CAMK2B: variants seen among roughly 807,000 people sequenced by gnomAD.
The protein encoded by CAMK2B is calcium/calmodulin-dependent protein kinase type II subunit beta.
A neutral mutation model predicts 93.7 loss-of-function variants in CAMK2B; 27 were observed. That is an observed-to-expected ratio of 0.29 (90% CI 0.21 to 0.40). The LOEUF is 0.40. Ranked by LOEUF, CAMK2B falls within the 10% of genes least tolerant of loss-of-function variation. The probability of loss-of-function intolerance (pLI) is 1.00; values close to 1 mark genes in which losing one functional copy is unlikely to be tolerated. For missense variants in CAMK2B, 568 were observed against 895.8 expected, an observed-to-expected ratio of 0.63 and a Z score of 4.67; for synonymous variants, 374 against 358.8, an observed-to-expected ratio of 1.04 and a Z score of -0.48.
At chr7:44,297,670 A>G (rs1433996084) in intron 1 of CAMK2B, among the ~76,000 whole-genome samples, 1 of 152,234 alleles carries the variant, frequency 6.6e-6, no homozygotes, top group Non-Finnish European at 1.5e-5. Context: ...TTATCTACAG[A>G]TTCAAGTGAA....
At chr7:44,324,610 G>C (rs1350506513) in intron 1 of CAMK2B, among the ~76,000 whole-genome samples, 1 of 152,090 alleles carries the variant, frequency 6.6e-6, no homozygotes, top group Non-Finnish European at 1.5e-5. Flanking sequence ...TCCCCTTTAG[G>C]GCGCCCCCGC....
Position 44,220,423 on chromosome 7 carries a change from G to C in CAMK2B, c.1769-129C>G, listed in dbSNP as rs1248251309. On this transcript the variant is annotated intron_variant, in intron 22 of 23. Coordinates refer to ENST00000395749, the MANE Select transcript of CAMK2B (RefSeq NM_001220.5). ...TTGGGGAGGCTCGGCTCTCCTGGGA[G>C]CAGCATGGGCCCCTCCAAGAGTGGG... The C allele has an allele frequency of 1.5e-5, 13 of 879,638 alleles. No individual in the cohort carries two copies. The South Asian group carries it at 1.8e-4, about 12-fold the overall frequency. The allele number at this position is 879,638 out of a possible 1,614,324, so 54.5% of individuals were successfully genotyped here.
intron 15 of CAMK2B, 148 bp from the exon 16 acceptor site, chr7:44,233,014 A>G: frequency 1.4e-6 from 1 of 714,112 alleles, no homozygotes; most frequent in East Asian, 2.7e-5. Context: ...AGTGGGGGAC[A>G]GGGATGGAGG....
chr7:44,324,601 C>T (rs1585005923), intron 1 of CAMK2B, among the ~76,000 whole-genome samples: 1 of 152,186 alleles, frequency 6.6e-6, no homozygotes, highest in African/African-American at 2.4e-5. Flanking sequence ...AAAGCCCCTT[C>T]CCCTTTAGGG....
chr7:44,320,553 C>A (rs1795826247), intron 1 of CAMK2B, among the ~76,000 whole-genome samples: 1 of 152,130 alleles, frequency 6.6e-6, no homozygotes, highest in African/African-American at 2.4e-5. Context: ...TAATAAGCAC[C>A]ATTTAAGCGC....
intron 5 of CAMK2B, among the ~76,000 whole-genome samples, chr7:44,252,473 G>A (rs566681258): frequency 6.6e-6 from 1 of 150,756 alleles, no homozygotes; most frequent in African/African-American, 2.4e-5. Flanking sequence ...GCAGGGGAGA[G>A]GGCTGGAGGC....
intron 5 of CAMK2B, among the ~76,000 whole-genome samples, chr7:44,250,582 T>C (rs975402211): frequency 1.4e-5 from 2 of 144,308 alleles, no homozygotes; most frequent in East Asian, 2.0e-4. Context: ...CAGGCTGGAG[T>C]GCAGTGGCGC....
At chr7:44,243,864 C>T (rs898258408) in intron 6 of CAMK2B, among the ~76,000 whole-genome samples, 1 of 152,184 alleles carries the variant, frequency 6.6e-6, no homozygotes, top group African/African-American at 2.4e-5. Flanking sequence ...CAAGCTCATC[C>T]TTACAAGCAA....
At chr7:44,297,314 A>T (rs1449740741) in intron 1 of CAMK2B, among the ~76,000 whole-genome samples, 1 of 152,190 alleles carries the variant, frequency 6.6e-6, no homozygotes, top group Non-Finnish European at 1.5e-5. Context: ...GGAAAAGAAG[A>T]AGAAGTGGAA....
intron 4 of CAMK2B, among the ~76,000 whole-genome samples, chr7:44,256,283 G>A (rs550758423): frequency 7.2e-5 from 11 of 152,358 alleles, no homozygotes; most frequent in African/African-American, 2.4e-4. Flanking sequence ...GTGTGCACGT[G>A]TTCACATGTG....
chr7:44,308,479 C>T (rs895210107), intron 1 of CAMK2B, among the ~76,000 whole-genome samples: 8 of 152,036 alleles, frequency 5.3e-5, no homozygotes, highest in African/African-American at 1.9e-4. Flanking sequence ...CCTCTCCTCA[C>T]AGCTTGCCTT....
intron 2 of CAMK2B, among the ~76,000 whole-genome samples, chr7:44,276,837 C>T (rs1477134524): frequency 6.6e-6 from 1 of 152,220 alleles, no homozygotes; most frequent in South Asian, 2.1e-4. Flanking sequence ...GCTCTGCTAA[C>T]CACCAGCTAG....
chr7:44,278,970 C>T (rs2097077839), intron 2 of CAMK2B, among the ~76,000 whole-genome samples: 1 of 152,188 alleles, frequency 6.6e-6, no homozygotes, highest in South Asian at 2.1e-4. Flanking sequence ...GGGATGCTAC[C>T]CAGGAGCAGG....
intron 13 of CAMK2B, among the ~76,000 whole-genome samples, chr7:44,235,403 C>T (rs1295986720): frequency 6.6e-6 from 1 of 152,272 alleles, no homozygotes. Flanking sequence ...CTGCCTCACC[C>T]AGCATTCCCC....
intron 1 of CAMK2B, among the ~76,000 whole-genome samples, chr7:44,296,173 T>G (rs1052870662): frequency 6.6e-6 from 1 of 152,114 alleles, no homozygotes; most frequent in Non-Finnish European, 1.5e-5. Flanking sequence ...AACTGGAAAT[T>G]TAAAACAACT....
At chr7:44,242,113 T>C in intron 10 of CAMK2B, 105 bp downstream of exon 10, 1 of 1,387,040 alleles carries the variant, frequency 7.2e-7, no homozygotes, top group Non-Finnish European at 9.8e-7. Flanking sequence ...AGGGAGCTCT[T>C]GGATGTCAGG....
Position 44,264,464 on chromosome 7 carries a change from C to A in CAMK2B, c.161-1400G>T, listed in dbSNP as rs568270183. Among the ~76,000 whole-genome samples, 13 of 152,296 alleles carry A rather than the reference C, an allele frequency of 8.5e-5. No homozygotes were observed. In the East Asian group the frequency reaches 1.4e-3, roughly 16 times the overall value. On this transcript the variant is annotated intron_variant, in intron 2 of 23. Coordinates refer to ENST00000395749, the MANE Select transcript of CAMK2B (RefSeq NM_001220.5). ...TGGGAGCGGCATCCCCTGGCTCCCC[C>A]CTCCCAGGACAGGCATTCGTCTCCC...
chr7:44,242,986 CCCA>C (rs1319406922), intron 8 of CAMK2B, among the ~76,000 whole-genome samples: 7 of 152,226 alleles, frequency 4.6e-5, no homozygotes, highest in Non-Finnish European at 7.3e-5. Context: ...CTCCCATCCA[CCCA>C]CCACACTTCT....
At chr7:44,301,952 A>G (rs922982212) in intron 1 of CAMK2B, among the ~76,000 whole-genome samples, 4 of 152,206 alleles carry the variant, frequency 2.6e-5, no homozygotes, top group African/African-American at 9.6e-5. Context: ...AAAATCAACA[A>G]AGCCAACAGC....
Sources: gnomAD v4.1 joint callset for allele counts (sites outside exome capture counted in the v4.1 genomes callset) on GRCh38, gnomAD v4.1.1 for gene constraint, MANE v1.5 for transcripts, NCBI Gene and HGNC (gene_info 2026-07-23, HGNC 2026-07-21) for gene names.